Variants in ENTR1 observed in about 807,000 individuals in gnomAD.
ENTR1 encodes the protein endosome-associated-trafficking regulator 1.
ENTR1 carries 47 observed loss-of-function variants against 47.9 expected under a neutral mutation model. The observed-to-expected ratio is 0.98, with a 90% CI of 0.78 to 1.25. The LOEUF (loss-of-function observed/expected upper bound fraction) is 1.25, where lower values mean the gene tolerates loss of function less well. Among genes scored for constraint, ENTR1 ranks in the 50% most tolerant of loss-of-function variants. The pLI, the probability that ENTR1 is intolerant of heterozygous loss-of-function variation, is 0.00. For synonymous variants in ENTR1, 290 were observed against 245.8 expected, an observed-to-expected ratio of 1.18 and a Z score of -1.68; for missense variants, 668 against 570.5, an observed-to-expected ratio of 1.17 and a Z score of -1.74.
rs1170949687 is a variant in ENTR1 at position 136,401,974 on chromosome 9, G to A, written c.*814C>T. The A allele has an allele frequency of 6.6e-6, 1 of 152,156 alleles. No homozygotes were observed. The highest frequency in any genetic ancestry group is 6.6e-5 in the Admixed American group (1 of 15,266). The allele number at this position is 152,156 out of a possible 1,614,324, so 9.4% of individuals were successfully genotyped here. On this transcript the variant is annotated 3_prime_UTR_variant, in exon 10 of 10. Transcript: ENST00000357365. ...AAGAAAGCTATCAATTGGAACAGGA[G>A]GAAAAAAAAGTTTTAAAAAAAATCT...
At chr9:136,406,985 A>T in intron 5 of ENTR1, 160 bp downstream of exon 5, 1 of 705,286 alleles carries the variant, frequency 1.4e-6, no homozygotes, top group Non-Finnish European at 2.3e-6. Context: ...GTGTAACCAG[A>T]AGCAAAGTCA....
intron 8 of ENTR1, 81 bp downstream of exon 8, chr9:136,404,550 G>C (rs1451936380): frequency 1.2e-5 from 17 of 1,461,300 alleles, no homozygotes; most frequent in Non-Finnish European, 1.5e-5. Flanking sequence ...CCCCAGCAGA[G>C]TCTTTCGCCT....
intron 4 of ENTR1, 21 bp downstream of exon 4, chr9:136,407,805 C>T: frequency 6.5e-7 from 1 of 1,547,796 alleles, no homozygotes; most frequent in Non-Finnish European, 8.9e-7. Flanking sequence ...AGAGCCATCG[C>T]CCACAGTGCC....
intron 4 of ENTR1, 50 bp from the exon 5 acceptor site, chr9:136,407,611 G>C (rs1206850459): frequency 6.7e-7 from 1 of 1,502,684 alleles, no homozygotes; most frequent in South Asian, 1.4e-5. Flanking sequence ...TTCTGACTCG[G>C]AGCGCATCTT....
At chr9:136,408,389 T>C (rs1424045170) in intron 3 of ENTR1, among the ~76,000 whole-genome samples, 2 of 152,002 alleles carry the variant, frequency 1.3e-5, no homozygotes, top group Admixed American at 6.6e-5. Flanking sequence ...CCATCCTGGC[T>C]AACACGGTGA....
chr9:136,405,951 T>C lies in ENTR1; in HGVS notation c.847A>G (p.Arg283Gly). Residue 283 changes from arginine (R) to glycine (G), a missense_variant, in exon 6 of 10, where the codon AGA (arginine) becomes GGA (glycine). Transcript: ENST00000357365. ...ALKDENSKLR[R>G]KLNEVQSFSE... ...AAGCTCTGAACCTCATTCAGCTTTC[T>C]TCTCAGCTTAGAATTTTCATCTTTC... 1 of 1,609,914 alleles carries C rather than the reference T, an allele frequency of 6.2e-7. No homozygotes were observed. Among genetic ancestry groups the C allele is most frequent in the Non-Finnish European group, 8.5e-7 (1 of 1,178,442 alleles).
intron 2 of ENTR1, 54 bp from the exon 3 acceptor site, chr9:136,409,121 C>A: frequency 6.4e-7 from 1 of 1,550,550 alleles, no homozygotes; most frequent in Non-Finnish European, 8.9e-7. Context: ...TATGACCTCA[C>A]ATTTGGTTTT....
chr9:136,404,281 TG>T, intron 8 of ENTR1, 87 bp from the exon 9 acceptor site: 1 of 1,514,900 alleles, frequency 6.6e-7, no homozygotes, highest in Non-Finnish European at 8.9e-7. Flanking sequence ...GGCTTACCCG[TG>T]GGGGCCTGGC....
intron 3 of ENTR1, 127 bp from the exon 4 acceptor site, chr9:136,408,065 C>G: frequency 4.6e-6 from 3 of 650,318 alleles, no homozygotes; most frequent in South Asian, 3.5e-5. Flanking sequence ...GTCATTCTAC[C>G]ATGACTCAGG....
At chr9:136,407,124 G>A in intron 5 of ENTR1, 21 bp downstream of exon 5, 12 of 1,565,538 alleles carry the variant, frequency 7.7e-6, no homozygotes, top group Non-Finnish European at 1.0e-5. Flanking sequence ...TGTGCCAGAG[G>A]GCGCCGTGAG....
Position 136,407,456 on chromosome 9 carries a change from C to T in ENTR1, c.508G>A (p.Ala170Thr). The change falls in exon 5 of 10, where the codon GCT becomes ACT. Residue 170 changes from alanine (A) to threonine (T), a missense_variant. Coordinates refer to ENST00000357365, the MANE Select transcript of ENTR1 (RefSeq NM_001039707.2). Reference sequence around the variant, plus strand: ...TCCTCCTCATCCAGGAGGTCACCAGCCCCTGTCGGATCCTCGAAAAATGGC... The same window carrying T: ...TCCTCCTCATCCAGGAGGTCACCAGTCCCTGTCGGATCCTCGAAAAATGGC... ...QQPFFEDPTG[A>T]GDLLDEEEDE... 6.2e-7 allele frequency: 1 copy of T among 1,611,154 alleles called. No homozygotes were observed. The highest frequency in any genetic ancestry group is 8.5e-7 in the Non-Finnish European group (1 of 1,179,896).
At chr9:136,408,889 T>A in intron 3 of ENTR1, 110 bp downstream of exon 3, 1 of 780,400 alleles carries the variant, frequency 1.3e-6, no homozygotes, top group Non-Finnish European at 2.2e-6. Context: ...CACCTGCTCT[T>A]TTGGGCTCCA....
chr9:136,404,551 T>G (rs922961597), intron 8 of ENTR1, 80 bp downstream of exon 8: 2 of 1,452,430 alleles, frequency 1.4e-6, no homozygotes, highest in South Asian at 1.2e-5. Context: ...CCCAGCAGAG[T>G]CTTTCGCCTC....
intron 2 of ENTR1, 49 bp from the exon 3 acceptor site, chr9:136,409,116 C>T: frequency 6.4e-7 from 1 of 1,564,850 alleles, no homozygotes; most frequent in Non-Finnish European, 8.8e-7. Flanking sequence ...GTCTTTATGA[C>T]CTCACATTTG....
chr9:136,402,792 G>C lies in ENTR1; in HGVS notation c.1304C>G (p.Ser435Cys). ...GCTGAGAACACCCAGGGGTCCTCAA[G>C]AGTCTTCCTCCTCGTCTTTAACTTC... ...ISEVKDEEEDS is the reference protein window; with the variant it reads ...ISEVKDEEEDC Residue 435 changes from serine (S) to cysteine (C), a missense_variant, in exon 10 of 10, where the codon TCT becomes TGT. Ser to Cys is a moderately radical substitution (Grantham distance 112). Transcript: ENST00000357365. 3 of 1,611,168 alleles carry C rather than the reference G, an allele frequency of 1.9e-6. No homozygotes were observed. Among genetic ancestry groups the C allele is most frequent in the Non-Finnish European group, 2.5e-6 (3 of 1,178,314 alleles).
intron 5 of ENTR1, among the ~76,000 whole-genome samples, chr9:136,406,741 T>C (rs1449772685): frequency 6.6e-6 from 1 of 152,068 alleles, no homozygotes; most frequent in Non-Finnish European, 1.5e-5. Context: ...CCTCCCAAAG[T>C]GCTGAGATTA....
At position 136,404,200 on chromosome 9, in the gene ENTR1, G is replaced by T; in HGVS notation, c.1069-6C>A. 6.2e-7 allele frequency: 1 copy of T among 1,604,330 alleles called. No individual in the cohort carries two copies. Among genetic ancestry groups the T allele is most frequent in the South Asian group, 1.1e-5 (1 of 90,342 alleles). ...TGGAAGTTGGAGACCTGCGCCTGGG[G>T]GGACGGTTACGGCTAAGGACAGAGC... On this transcript the variant is annotated splice_region_variant and splice_polypyrimidine_tract_variant and intron_variant, in intron 8 of 9. Transcript: ENST00000357365.
chr9:136,409,712 G>A (rs1187642981), intron 2 of ENTR1, among the ~76,000 whole-genome samples: 1 of 151,868 alleles, frequency 6.6e-6, no homozygotes, highest in Non-Finnish European at 1.5e-5. Flanking sequence ...CAGCACTTCT[G>A]CTTGGGTAGA....
chr9:136,407,677 G>A (rs940270396), intron 4 of ENTR1, 116 bp from the exon 5 acceptor site: 30 of 1,437,408 alleles, frequency 2.1e-5, no homozygotes, highest in Non-Finnish European at 2.5e-5. Flanking sequence ...CTACCGGAAG[G>A]AGCCCAGCAG....
Sources: allele counts gnomAD v4.1 joint callset (sites outside exome capture counted in the v4.1 genomes callset), GRCh38; gene constraint gnomAD v4.1.1; transcripts MANE v1.5; gene names NCBI Gene and HGNC (gene_info 2026-07-23, HGNC 2026-07-21).